Variants in SCMH1 observed in about 807,000 individuals in gnomAD.
SCMH1 encodes Scm polycomb group protein homolog 1.
Under a neutral mutation model 70.8 loss-of-function variants are expected in SCMH1, and 37 were observed. The observed-to-expected ratio is 0.52, with a 90% CI of 0.40 to 0.69. SCMH1 has a LOEUF of 0.69. Ranked by LOEUF, SCMH1 falls within the 30% of genes least tolerant of loss-of-function variation. SCMH1 has a pLI of 0.00. For synonymous variants in SCMH1, 292 were observed against 307.4 expected (o/e 0.95, Z 0.52); for missense variants, 607 against 827.3 (o/e 0.73, Z 3.27).
intron 6 of SCMH1, among the ~76,000 whole-genome samples, chr1:41,139,536 T>C (rs377260218): frequency 4.6e-5 from 7 of 152,230 alleles, no homozygotes; most frequent in South Asian, 2.1e-4. Flanking sequence ...CCCTGAGAAC[T>C]TGTATTTTTT....
chr1:41,205,652 T>C (rs1262460781), intron 1 of SCMH1, among the ~76,000 whole-genome samples: 1 of 152,218 alleles, frequency 6.6e-6, no homozygotes, highest in African/African-American at 2.4e-5. Context: ...ACTTCACCTC[T>C]GTGGGCAGGG....
intron 1 of SCMH1, among the ~76,000 whole-genome samples, chr1:41,234,570 G>A (rs1362250141): frequency 2.2e-5 from 3 of 136,240 alleles, no homozygotes; most frequent in Non-Finnish European, 4.6e-5. Context: ...CGCCTCCCAC[G>A]TTCAAGCCAT....
At chr1:41,058,853 G>A (rs1441800782) in intron 10 of SCMH1, among the ~76,000 whole-genome samples, 1 of 152,164 alleles carries the variant, frequency 6.6e-6, no homozygotes, top group Non-Finnish European at 1.5e-5. Flanking sequence ...CTCTGGGTTG[G>A]TGGAGGAATG....
At chr1:41,139,384 C>T (rs1188647234) in intron 6 of SCMH1, among the ~76,000 whole-genome samples, 1 of 152,044 alleles carries the variant, frequency 6.6e-6, no homozygotes, top group Admixed American at 6.6e-5. Flanking sequence ...TCTTTATATC[C>T]CCATTAAAAA....
intron 1 of SCMH1, among the ~76,000 whole-genome samples, chr1:41,205,566 T>C (rs1398615988): frequency 6.6e-6 from 1 of 152,048 alleles, no homozygotes; most frequent in Admixed American, 6.5e-5. Context: ...GAGGCTTGAG[T>C]AGGTAAACAA....
intron 8 of SCMH1, among the ~76,000 whole-genome samples, chr1:41,101,188 G>C (rs142461225): frequency 8.4e-4 from 128 of 152,302 alleles, no homozygotes; most frequent in Middle Eastern, 6.8e-3. Flanking sequence ...ACTGGGGAAA[G>C]CATATTTCAG....
intron 8 of SCMH1, among the ~76,000 whole-genome samples, chr1:41,080,583 G>A (rs1659699643): frequency 6.6e-6 from 1 of 151,990 alleles, no homozygotes; most frequent in South Asian, 2.1e-4. Context: ...TCATAACTAA[G>A]TGGGATTTAT....
chr1:41,204,830 C>G (rs1336657357), intron 1 of SCMH1, among the ~76,000 whole-genome samples: 1 of 152,092 alleles, frequency 6.6e-6, no homozygotes, highest in Non-Finnish European at 1.5e-5. Context: ...TATCCCAGCA[C>G]CTGGAATAGT....
chr1:41,192,981 A>G (rs2148674738), intron 1 of SCMH1, among the ~76,000 whole-genome samples: 1 of 152,346 alleles, frequency 6.6e-6, no homozygotes, highest in African/African-American at 2.4e-5. Flanking sequence ...CTGTTATCAT[A>G]GCATTAAGGC....
intron 1 of SCMH1, among the ~76,000 whole-genome samples, chr1:41,239,737 C>T (rs1663121479): frequency 6.6e-6 from 1 of 152,160 alleles, no homozygotes; most frequent in South Asian, 2.1e-4. Context: ...CTCAAACGGT[C>T]CTCCTGCCTC....
intron 1 of SCMH1, among the ~76,000 whole-genome samples, chr1:41,225,122 A>G (rs1660011324): frequency 6.6e-6 from 1 of 152,324 alleles, no homozygotes; most frequent in African/African-American, 2.4e-5. Flanking sequence ...AATCAAAACA[A>G]TTTCATTAAT....
intron 10 of SCMH1, among the ~76,000 whole-genome samples, chr1:41,064,998 T>A (rs1654081719): frequency 6.6e-6 from 1 of 152,138 alleles, no homozygotes; most frequent in Admixed American, 6.5e-5. Context: ...TTAAACAAAA[T>A]ATATATAACA....
At chr1:41,228,452 T>C (rs1442770372) in intron 1 of SCMH1, among the ~76,000 whole-genome samples, 1 of 152,116 alleles carries the variant, frequency 6.6e-6, no homozygotes, top group Non-Finnish European at 1.5e-5. Flanking sequence ...AAAGAAAACA[T>C]TCTATAAGCT....
intron 4 of SCMH1, chr1:41,159,861 C>A: frequency 7.6e-7 from 1 of 1,309,888 alleles, no homozygotes; most frequent in Non-Finnish European, 9.8e-7. Context: ...AATAATCCTC[C>A]AAAGTTGAAA....
At chr1:41,085,154 A>T (rs1005117742) in intron 8 of SCMH1, among the ~76,000 whole-genome samples, 15 of 151,572 alleles carry the variant, frequency 9.9e-5, no homozygotes, top group Admixed American at 6.6e-5. Flanking sequence ...TAAAATAAAA[A>T]ACAAGAAAAA....
At chr1:41,231,152 C>G (rs1661229005) in intron 1 of SCMH1, among the ~76,000 whole-genome samples, 2 of 152,104 alleles carry the variant, frequency 1.3e-5, no homozygotes, top group Admixed American at 1.3e-4. Context: ...TACTGGGATT[C>G]ACTATTACTA....
rs55940657 is a variant in SCMH1 at position 41,192,495 on chromosome 1, G to GACACACACACACACACACACACAC, written c.-117-6269_-117-6246dup. ...TAGTTGTTGAGAGGATTAAATAGGA[G>GACACACACACACACACACACACAC]ACACACACACACACACACACACACA... On this transcript the variant is annotated intron_variant, in intron 1 of 14. Transcript: ENST00000337495. Among the ~76,000 whole-genome samples, 7 of 148,742 alleles carry GACACACACACACACACACACACAC rather than the reference G, an allele frequency of 4.7e-5. No homozygotes were observed. In the South Asian group the frequency reaches 6.4e-4, roughly 14 times the overall value.
At chr1:41,101,315 A>G (rs1247318385) in intron 8 of SCMH1, among the ~76,000 whole-genome samples, 1 of 152,212 alleles carries the variant, frequency 6.6e-6, no homozygotes, top group Non-Finnish European at 1.5e-5. Context: ...ATAAGCATTT[A>G]TAGGGATGGT....
At chr1:41,140,837 A>C (rs1047254570) in intron 6 of SCMH1, among the ~76,000 whole-genome samples, 8 of 152,198 alleles carry the variant, frequency 5.3e-5, no homozygotes, top group African/African-American at 1.7e-4. Context: ...AGTATCAAAC[A>C]GTATATAAAA....
Sources: allele counts gnomAD v4.1 joint callset (sites outside exome capture counted in the v4.1 genomes callset), GRCh38; gene constraint gnomAD v4.1.1; transcripts MANE v1.5; gene names NCBI Gene and HGNC (gene_info 2026-07-23, HGNC 2026-07-21).